The following CPED1 variants were observed in gnomAD, a reference collection of about 807,000 sequenced individuals.
The protein encoded by CPED1 is cadherin like and PC-esterase domain containing 1.
A neutral mutation model predicts 128.2 loss-of-function variants in CPED1; 114 were observed. That is an observed-to-expected ratio of 0.89 (90% CI 0.76 to 1.04). The LOEUF (loss-of-function observed/expected upper bound fraction) is 1.04, where lower values mean the gene tolerates loss of function less well. Ranked by LOEUF, CPED1 falls within the 50% of genes least tolerant of loss-of-function variation. The pLI is 0.00. For missense variants in CPED1, 1,211 were observed against 1,207.1 expected (o/e 1.00, Z -0.05); for synonymous variants, 462 against 426.7 (o/e 1.08, Z -1.02).
intron 16 of CPED1, among the ~76,000 whole-genome samples, chr7:121,193,816 T>C (rs182706846): frequency 6.6e-6 from 1 of 152,054 alleles, no homozygotes; most frequent in East Asian, 1.9e-4. Flanking sequence ...GTCAAATTTC[T>C]ACTACTTTAT....
At position 121,049,220 on chromosome 7, in the gene CPED1, T is replaced by A. The variant is rs572088750; in HGVS notation, c.540+2227T>A. On this transcript the variant is annotated intron_variant, in intron 4 of 22. Coordinates refer to ENST00000310396, the MANE Select transcript of CPED1 (RefSeq NM_024913.5). ...GGGAAAAAGAAACTAAAAGGCCTAG[T>A]GAGGCACTTGGGAACTAGCAACATT... Among the ~76,000 whole-genome samples, 28 of 152,296 alleles carry A rather than the reference T, an allele frequency of 1.8e-4. No individual in the cohort carries two copies. In the South Asian group the frequency reaches 5.6e-3, roughly 30 times the overall value.
At chr7:121,249,495 T>C (rs189039463) in intron 18 of CPED1, among the ~76,000 whole-genome samples, 72 of 152,214 alleles carry the variant, frequency 4.7e-4, no homozygotes, top group African/African-American at 1.5e-3. Flanking sequence ...GCAGAAACCT[T>C]ACAAGCCAGA....
chr7:121,288,444 C>A (rs1041529416), intron 22 of CPED1, among the ~76,000 whole-genome samples: 4 of 152,276 alleles, frequency 2.6e-5, no homozygotes, highest in Middle Eastern at 3.4e-3. Flanking sequence ...CCCCATCATC[C>A]TGATTTCCTT....
rs1794191058 is a variant in CPED1 at position 121,078,456 on chromosome 7, C to CT, written c.616+14144dup. 4.7e-5 allele frequency among the ~76,000 whole-genome samples: 6 copies of CT among 129,012 alleles called. No homozygotes were observed. The South Asian group carries it at 1.4e-3, about 31-fold the overall frequency. The allele number at this position is 129,012 out of a possible 152,430, so 84.6% of individuals were successfully genotyped here. A position where few individuals can be genotyped will look rare whatever the true frequency, so the allele number is the denominator to read the frequency against. ...TTGTGGCCAGGAGTTTGAGACCAGCCTGGGTAACATGAGATCCTGTCTCTG... is the reference window on the plus strand; with the variant it reads ...TTGTGGCCAGGAGTTTGAGACCAGCCTTGGGTAACATGAGATCCTGTCTCTG... On this transcript the variant is annotated intron_variant, in intron 5 of 22. Transcript: ENST00000310396.
intron 16 of CPED1, among the ~76,000 whole-genome samples, chr7:121,163,666 G>A (rs1488112607): frequency 2.0e-5 from 3 of 152,220 alleles, no homozygotes; most frequent in Non-Finnish European, 4.4e-5. Flanking sequence ...GACAGAGCAG[G>A]ATTACTTGGC....
chr7:121,152,374 C>T (rs900154363), intron 16 of CPED1, among the ~76,000 whole-genome samples: 22 of 152,078 alleles, frequency 1.4e-4, no homozygotes, highest in African/African-American at 5.3e-4. Flanking sequence ...GTTAAGAGAC[C>T]CAGCTTTCAA....
At chr7:120,994,657 G>GTTGTTGTTGT (rs1554418493) in intron 2 of CPED1, among the ~76,000 whole-genome samples, 5 of 149,196 alleles carry the variant, frequency 3.4e-5, no homozygotes, top group African/African-American at 1.0e-4. Context: ...GTGTGTGTGT[G>GTTGTTGTTGT]TGTTGTTGTT....
At chr7:120,998,232 A>G (rs1338362489) in intron 2 of CPED1, among the ~76,000 whole-genome samples, 1 of 152,222 alleles carries the variant, frequency 6.6e-6, no homozygotes, top group Non-Finnish European at 1.5e-5. Context: ...GTTTTAAACT[A>G]TCCAGCTTCG....
intron 4 of CPED1, 134 bp downstream of exon 4, chr7:121,047,127 T>C: frequency 1.8e-6 from 1 of 549,114 alleles, no homozygotes; most frequent in Non-Finnish European, 3.2e-6. Context: ...CAACTGGCCA[T>C]GCCTTATATA....
intron 7 of CPED1, among the ~76,000 whole-genome samples, chr7:121,109,583 A>C (rs1795057483): frequency 6.6e-6 from 1 of 152,140 alleles, no homozygotes; most frequent in African/African-American, 2.4e-5. Flanking sequence ...CCGGAATCTA[A>C]CAGTTCCAGG....
chr7:121,048,980 A>T (rs2538486), intron 4 of CPED1, among the ~76,000 whole-genome samples: 1,744 of 95,356 alleles, frequency 0.018, 31 homozygotes, highest in African/African-American at 0.044. Flanking sequence ...TACCCCTGAA[A>T]TCTATCCTAC....
At chr7:121,208,422 C>T (rs921444220) in intron 16 of CPED1, among the ~76,000 whole-genome samples, 1 of 151,998 alleles carries the variant, frequency 6.6e-6, no homozygotes, top group Non-Finnish European at 1.5e-5. Flanking sequence ...TAATTCCAAT[C>T]ATGGTCACAT....
chr7:121,029,713 C>A (rs1057513385), intron 3 of CPED1, among the ~76,000 whole-genome samples: 2 of 152,118 alleles, frequency 1.3e-5, no homozygotes, highest in Non-Finnish European at 1.5e-5. Flanking sequence ...ACTTTATAAT[C>A]GTACATGACA....
chr7:121,084,040 T>C (rs573427673), intron 5 of CPED1, among the ~76,000 whole-genome samples: 1 of 152,348 alleles, frequency 6.6e-6, no homozygotes, highest in African/African-American at 2.4e-5. Context: ...GTGAGACTCA[T>C]GTTTTTAAGA....
intron 3 of CPED1, among the ~76,000 whole-genome samples, chr7:121,032,682 G>A (rs557702211): frequency 2.6e-5 from 4 of 151,794 alleles, no homozygotes; most frequent in East Asian, 3.9e-4. Context: ...ACACCTGCAC[G>A]TTCTGCACAT....
chr7:121,098,791 A>T (rs798935), intron 6 of CPED1, among the ~76,000 whole-genome samples: 64,411 of 103,140 alleles, frequency 0.62, 16,660 homozygotes, highest in East Asian at 0.86. Flanking sequence ...AAAATATATA[A>T]AAATATATAT....
chr7:121,152,611 A>G (rs1048400173), intron 16 of CPED1, among the ~76,000 whole-genome samples: 8 of 151,994 alleles, frequency 5.3e-5, no homozygotes, highest in Non-Finnish European at 1.0e-4. Context: ...AAGATCTTGG[A>G]ACAGTGCCTA....
Position 121,154,253 on chromosome 7 carries a change from G to T in CPED1, c.2055+12112G>T, listed in dbSNP as rs912381474. On this transcript the variant is annotated intron_variant, in intron 16 of 22. Transcript: ENST00000310396. Reference sequence around the variant, plus strand: ...AGTAAATTGCGCATCACAGTAAAAAGGGATCTCTCTTTCTAATTTGGATGC... The same window carrying T: ...AGTAAATTGCGCATCACAGTAAAAATGGATCTCTCTTTCTAATTTGGATGC... 3.3e-5 allele frequency among the ~76,000 whole-genome samples: 5 copies of T among 152,240 alleles called. 1 individual carries two copies. Among genetic ancestry groups the T allele is most frequent in the African/African-American group, 1.2e-4 (5 of 41,536 alleles).
chr7:121,191,521 C>T (rs1009533728), intron 16 of CPED1, among the ~76,000 whole-genome samples: 2 of 152,074 alleles, frequency 1.3e-5, no homozygotes, highest in East Asian at 1.9e-4. Flanking sequence ...GTACAATCTG[C>T]GTTCATTTTT....
Sources: gnomAD v4.1 joint callset for allele counts (sites outside exome capture counted in the v4.1 genomes callset) on GRCh38, gnomAD v4.1.1 for gene constraint, MANE v1.5 for transcripts, NCBI Gene and HGNC (gene_info 2026-07-23, HGNC 2026-07-21) for gene names.